Variants in GDF6 observed in about 807,000 individuals in gnomAD.
The protein encoded by GDF6 is growth/differentiation factor 6.
GDF6 carries 3 observed loss-of-function variants against 32.4 expected under a neutral mutation model. The ratio of observed to expected loss-of-function variants is 0.09; its 90% CI spans 0.04 to 0.24. GDF6 has a LOEUF of 0.24. GDF6 is among the 10% of genes least tolerant of loss of function. The pLI is 1.00. For missense variants in GDF6, 589 were observed against 637.9 expected, an observed-to-expected ratio of 0.92 and a Z score of 0.83; for synonymous variants, 296 against 295.3, an observed-to-expected ratio of 1.00 and a Z score of -0.03.
At position 96,142,960 on chromosome 8, in the gene GDF6, T is replaced by A. The variant is rs1038381805; in HGVS notation, c.*1603A>T. The A allele has an allele frequency of 1.5e-4, 23 of 152,268 alleles. No homozygotes were observed. The highest frequency in any genetic ancestry group is 5.3e-4 in the African/African-American group (22 of 41,470). The allele number at this position is 152,268 out of a possible 1,614,324, so 9.4% of individuals were successfully genotyped here. ...ACAAATTCCATTGATTAAACAATTT[T>A]ATAGTCAAAGATGAGGAGGAAGCTA... On this transcript the variant is annotated 3_prime_UTR_variant, in exon 2 of 2. Transcript: ENST00000287020.
intron 1 of GDF6, among the ~76,000 whole-genome samples, chr8:96,149,731 A>G (rs1036525293): frequency 6.6e-6 from 1 of 152,246 alleles, no homozygotes; most frequent in African/African-American, 2.4e-5. Context: ...CCCATTTTAA[A>G]TGAGAAAACT....
intron 1 of GDF6, among the ~76,000 whole-genome samples, chr8:96,156,377 CCTCT>C (rs10569146): frequency 0.16 from 23,042 of 140,526 alleles, 2,586 homozygotes; most frequent in African/African-American, 0.3. Context: ...TCTCTCTTTC[CCTCT>C]CTCTCTCTCT....
Position 96,145,358 on chromosome 8 carries a change from G to A in GDF6, c.573C>T (p.Cys191=), listed in dbSNP as rs1310952517. ...AGPLHVQLFP[C]LSPLLLDART... ...GCGCGTCCAGCAGTAGGGGCGAAAGGCAAGGGAAGAGCTGCACGTGGAGCG... is the reference window on the plus strand; with the variant it reads ...GCGCGTCCAGCAGTAGGGGCGAAAGACAAGGGAAGAGCTGCACGTGGAGCG... The change falls in exon 2 of 2, where the codon TGC becomes TGT. Residue 191 remains cysteine, a synonymous_variant. Transcript: ENST00000287020. This position sits in a 1 kb window ranked among gnomAD's most constrained non-coding sequence, Gnocchi z 5.6. 1.3e-6 allele frequency: 2 copies of A among 1,554,446 alleles called. No individual in the cohort carries two copies. Among genetic ancestry groups the A allele is most frequent in the Non-Finnish European group, 1.7e-6 (2 of 1,157,114 alleles).
chr8:96,153,512 G>C (rs1307664573), intron 1 of GDF6, among the ~76,000 whole-genome samples: 1 of 152,212 alleles, frequency 6.6e-6, no homozygotes, highest in African/African-American at 2.4e-5. Flanking sequence ...TGGGGGGTTG[G>C]CTAGGGGCGG....
Position 96,145,781 on chromosome 8 carries a change from AGGC to A in GDF6, c.407-260_407-258del, listed in dbSNP as rs746696029. 6.6e-6 allele frequency among the ~76,000 whole-genome samples: 1 copy of A among 151,954 alleles called. No individual in the cohort carries two copies. The highest frequency in any genetic ancestry group is 6.5e-5 in the Admixed American group (1 of 15,272). On this transcript the variant is annotated intron_variant, in intron 1 of 1. Transcript: ENST00000287020. The surrounding 1 kb of genome is among the most constrained non-coding windows in gnomAD (Gnocchi z 5.6). ...GGGCGGAAGTCGGTGGCTGCTGGCG[AGGC>A]GGCGGCGGCGGCCTACCGGGTTTTC...
chr8:96,154,229 C>T (rs1390117929), intron 1 of GDF6, among the ~76,000 whole-genome samples: 1 of 152,132 alleles, frequency 6.6e-6, no homozygotes, highest in Admixed American at 6.5e-5. Flanking sequence ...CTCTCGGGTC[C>T]CTAAACCATG....
chr8:96,153,434 C>G (rs1464482433), intron 1 of GDF6, among the ~76,000 whole-genome samples: 1 of 152,210 alleles, frequency 6.6e-6, no homozygotes, highest in Non-Finnish European at 1.5e-5. Context: ...ACTGTTCCCG[C>G]GCTGAGCCCT....
At chr8:96,152,300 C>A (rs1262084826) in intron 1 of GDF6, among the ~76,000 whole-genome samples, 2 of 152,202 alleles carry the variant, frequency 1.3e-5, no homozygotes, top group East Asian at 3.9e-4. Flanking sequence ...GAACAGATGA[C>A]CTCCACCCCA....
chr8:96,157,146 G>A (rs1176239697), intron 1 of GDF6, among the ~76,000 whole-genome samples: 1 of 152,060 alleles, frequency 6.6e-6, no homozygotes, highest in Non-Finnish European at 1.5e-5. Context: ...AATAAATCGT[G>A]GTTACTATTA....
intron 1 of GDF6, among the ~76,000 whole-genome samples, chr8:96,153,979 C>T (rs1812615365): frequency 6.6e-6 from 1 of 152,186 alleles, no homozygotes; most frequent in Non-Finnish European, 1.5e-5. Flanking sequence ...TTTCCCTCCA[C>T]GCTGAGCTTC....
chr8:96,160,218 C>T lies in GDF6; in HGVS notation c.406+69G>A. 17 of 1,491,542 alleles carry T rather than the reference C, an allele frequency of 1.1e-5. No individual in the cohort carries two copies. The South Asian group carries it at 1.7e-4, about 15-fold the overall frequency. 92.4% of individuals were successfully genotyped at this position (1,491,542 alleles called of 1,614,324 possible). A position where few individuals can be genotyped will look rare whatever the true frequency, so the allele number is the denominator to read the frequency against. ...GAAGGGAATTCACAAATGTAGCCTC[C>T]AGCGGGAACAGCTCCCTGGCTGCCG... On this transcript the variant is annotated intron_variant, in intron 1 of 1. Transcript: ENST00000287020.
At chr8:96,154,520 G>A (rs372258343) in intron 1 of GDF6, among the ~76,000 whole-genome samples, 6 of 150,054 alleles carry the variant, frequency 4.0e-5, no homozygotes, top group African/African-American at 1.5e-4. Context: ...CCTTGGGGTG[G>A]GGGATGGAGG....
rs1431766327 is a variant in GDF6, at chr8:96,142,459, A to C, written c.*2104T>G. On this transcript the variant is annotated 3_prime_UTR_variant, in exon 2 of 2. Transcript: ENST00000287020. ...CTTTAGCGTTGTAAATACTTGTATT[A>C]TATGAGGTAGACAGTTTAAAAAAAA... is the stretch of plus-strand genomic sequence containing the variant. The C allele has an allele frequency of 6.6e-6, 1 of 152,394 alleles. No homozygotes were observed. Among genetic ancestry groups the C allele is most frequent in the Non-Finnish European group, 1.5e-5 (1 of 68,038 alleles). The allele number at this position is 152,394 out of a possible 1,614,324, so 9.4% of individuals were successfully genotyped here. A position where few individuals can be genotyped will look rare whatever the true frequency, so the allele number is the denominator to read the frequency against.
In GDF6 at chr8:96,144,741, G is replaced by C; in HGVS notation, c.1190C>G (p.Pro397Arg). 1 of 1,614,176 alleles carries C rather than the reference G, an allele frequency of 6.2e-7. No homozygotes were observed. Among genetic ancestry groups the C allele is most frequent in the East Asian group, 2.2e-5 (1 of 44,870 alleles). Residue 397 changes from proline to arginine, a missense_variant, in exon 2 of 2, where the codon CCC (proline) becomes CGC (arginine). This residue lies in a region of GDF6 where 153 missense variants were observed against 226.7 expected (regional missense o/e 0.67). Coordinates refer to ENST00000287020, the MANE Select transcript of GDF6 (RefSeq NM_001001557.4). The surrounding 1 kb of genome is among the most constrained non-coding windows in gnomAD (Gnocchi z 5.1). Reference protein sequence around the residue: ...CDFPLRSHLEPTNHAIIQTLM... With the variant: ...CDFPLRSHLERTNHAIIQTLM... ...CGTCTGGATGATGGCGTGGTTGGTG[G>C]GCTCCAGGTGCGAGCGCAGCGGGAA... is the stretch of plus-strand genomic sequence containing the variant.
intron 1 of GDF6, among the ~76,000 whole-genome samples, chr8:96,149,724 A>G (rs986777231): frequency 6.6e-6 from 1 of 152,272 alleles, no homozygotes; most frequent in Non-Finnish European, 1.5e-5. Flanking sequence ...CATTGCACCC[A>G]TTTTAAATGA....
At chr8:96,146,196 G>A (rs985168620) in intron 1 of GDF6, among the ~76,000 whole-genome samples, 1 of 152,174 alleles carries the variant, frequency 6.6e-6, no homozygotes, top group Non-Finnish European at 1.5e-5. Flanking sequence ...AGGTAAGTGG[G>A]AAACTTCTAC....
At position 96,144,281 on chromosome 8, in the gene GDF6, AG is replaced by A; in HGVS notation, c.*281del. On this transcript the variant is annotated 3_prime_UTR_variant, in exon 2 of 2. Coordinates refer to ENST00000287020, the MANE Select transcript of GDF6 (RefSeq NM_001001557.4). The surrounding 1 kb of genome is among the most constrained non-coding windows in gnomAD (Gnocchi z 5.1). ...GAGAGAGAGAGAGAGAGAGAGAGAG[AG>A]AGAGAGAGAAAACAGAACAAAAGAA... 2.3e-5 allele frequency: 11 copies of A among 487,196 alleles called. No individual in the cohort carries two copies. The highest frequency in any genetic ancestry group is 1.7e-4 in the South Asian group (8 of 47,818). 30.2% of individuals were successfully genotyped at this position (487,196 alleles called of 1,614,324 possible).
In GDF6 at chr8:96,143,486, T is replaced by A. The variant is rs1331424877; in HGVS notation, c.*1077A>T. On this transcript the variant is annotated 3_prime_UTR_variant, in exon 2 of 2. Transcript: ENST00000287020. ...GGACTCCTTCTACTTCTTGGTTCCT[T>A]TTCCCTCCTTTGTAGCTCTTACGTT... The A allele has an allele frequency of 6.5e-6, 1 of 152,784 alleles. No individual in the cohort carries two copies. Among genetic ancestry groups the A allele is most frequent in the African/African-American group, 2.4e-5 (1 of 41,460 alleles). The allele number at this position is 152,784 out of a possible 1,614,324, so 9.5% of individuals were successfully genotyped here.
chr8:96,155,126 T>A (rs1003693054), intron 1 of GDF6, among the ~76,000 whole-genome samples: 3 of 152,198 alleles, frequency 2.0e-5, no homozygotes, highest in Non-Finnish European at 4.4e-5. Context: ...AGCACGTTTT[T>A]AGATCCCCTC....
Sources: allele counts gnomAD v4.1 joint callset (sites outside exome capture counted in the v4.1 genomes callset), GRCh38; gene constraint gnomAD v4.1.1; regional missense constraint gnomAD v4.1.1; non-coding constraint Gnocchi (gnomAD v3.1); transcripts MANE v1.5; gene names NCBI Gene and HGNC (gene_info 2026-07-23, HGNC 2026-07-21).